MEGF11: variants seen among roughly 807,000 people sequenced by gnomAD.
The protein encoded by MEGF11 is multiple EGF like domains 11.
MEGF11 carries 126 observed loss-of-function variants against 146.6 expected under a neutral mutation model. The observed-to-expected ratio is 0.86, with a 90% CI of 0.74 to 1.00. The LOEUF (loss-of-function observed/expected upper bound fraction) is 1.00, where lower values mean the gene tolerates loss of function less well. MEGF11 is among the 50% of genes least tolerant of loss of function. The pLI is 0.00. For synonymous variants in MEGF11, 532 were observed against 583.4 expected (o/e 0.91, Z 1.27); for missense variants, 1,509 against 1,521.2 (o/e 0.99, Z 0.13).
rs1326115897 is a variant in MEGF11, at chr15:65,896,061, T to C, written c.*1873A>G. The C allele has an allele frequency of 7.9e-5, 12 of 152,308 alleles. No homozygotes were observed. Among genetic ancestry groups the C allele is most frequent in the Non-Finnish European group, 1.8e-4 (12 of 68,052 alleles). 9.4% of individuals were successfully genotyped at this position (152,308 alleles called of 1,614,324 possible). On this transcript the variant is annotated 3_prime_UTR_variant, in exon 26 of 26. Coordinates refer to ENST00000395614, the MANE Select transcript of MEGF11 (RefSeq NM_001385028.1). ...AGTTTCTCCTTGCTGATCTGACATC[T>C]TCATGCTGCTCATCCTTGCTTCACA...
At chr15:66,080,511 C>A (rs2085803048) in intron 5 of MEGF11, among the ~76,000 whole-genome samples, 1 of 152,136 alleles carries the variant, frequency 6.6e-6, no homozygotes, top group Non-Finnish European at 1.5e-5. Flanking sequence ...GGCTTCTGCT[C>A]AAAGTTCTTG....
chr15:66,091,009 A>G (rs376934631), intron 5 of MEGF11, among the ~76,000 whole-genome samples: 3 of 152,352 alleles, frequency 2.0e-5, no homozygotes, highest in Admixed American at 1.3e-4. Flanking sequence ...CTTTTGCTAC[A>G]GTTTGATTTT....
rs142755489 is a variant in MEGF11 at position 66,072,622 on chromosome 15, A to G, written c.394+21780T>C. ...CATGTATTCCTGAGTGAGCGAATGAATGAATGTAATCAGTGCTACAAGTCC... is the reference window on the plus strand; with the variant it reads ...CATGTATTCCTGAGTGAGCGAATGAGTGAATGTAATCAGTGCTACAAGTCC... On this transcript the variant is annotated intron_variant, in intron 5 of 25. Coordinates refer to ENST00000395614, the MANE Select transcript of MEGF11 (RefSeq NM_001385028.1). Among the ~76,000 whole-genome samples the G allele has an allele frequency of 3.7e-4, 56 of 152,332 alleles. 1 individual carries two copies. Among genetic ancestry groups the G allele is most frequent in the African/African-American group, 1.3e-3 (53 of 41,576 alleles).
intron 5 of MEGF11, among the ~76,000 whole-genome samples, chr15:66,047,292 C>A (rs2084248548): frequency 6.6e-6 from 1 of 152,202 alleles, no homozygotes; most frequent in Non-Finnish European, 1.5e-5. Context: ...AAGTGGGATT[C>A]AATCCCAGCT....
At chr15:65,983,100 A>C (rs2081719467) in intron 5 of MEGF11, among the ~76,000 whole-genome samples, 1 of 151,456 alleles carries the variant, frequency 6.6e-6, no homozygotes, top group East Asian at 1.9e-4. Flanking sequence ...TCTCCCTGTC[A>C]CCCTTTTCAT....
intron 5 of MEGF11, among the ~76,000 whole-genome samples, chr15:66,051,406 A>T (rs973816164): frequency 6.6e-6 from 1 of 151,978 alleles, no homozygotes; most frequent in Non-Finnish European, 1.5e-5. Context: ...CAGGAAGTAG[A>T]CTCTGAGACC....
chr15:66,226,253 CT>C lies in MEGF11; in HGVS notation c.-9+27351del, dbSNP rs1317609352. Among the ~76,000 whole-genome samples, 1,125 of 137,058 alleles carry C rather than the reference CT, an allele frequency of 8.2e-3. 16 individuals carry two copies. Among genetic ancestry groups the C allele is most frequent in the African/African-American group, 0.025 (911 of 36,884 alleles). 89.9% of individuals were successfully genotyped at this position (137,058 alleles called of 152,430 possible). A position where few individuals can be genotyped will look rare whatever the true frequency, so the allele number is the denominator to read the frequency against. On this transcript the variant is annotated intron_variant, in intron 1 of 25. Transcript: ENST00000395614. The stretch of plus-strand genomic sequence containing the variant: ...TTGTGTTCAAGTGACCCTTATTTTA[CT>C]TTTTTTTTTTTTGAGACAGTCTCAC...
chr15:66,248,988 T>A (rs1259507420), intron 1 of MEGF11, among the ~76,000 whole-genome samples: 2 of 152,256 alleles, frequency 1.3e-5, no homozygotes, highest in Non-Finnish European at 2.9e-5. Context: ...CTTTTATGGT[T>A]CTTTTCTTTT....
intron 23 of MEGF11, chr15:65,906,812 G>A (rs999008494): frequency 6.6e-6 from 1 of 152,222 alleles, no homozygotes; most frequent in Non-Finnish European, 1.5e-5. Context: ...TGCACATAAT[G>A]TAGAATTGTT....
At chr15:65,929,609 A>G (rs553658338) in intron 12 of MEGF11, 111 bp downstream of exon 12, 12 of 1,291,440 alleles carry the variant, frequency 9.3e-6, no homozygotes, top group South Asian at 1.5e-5. Context: ...CAAGTGTCCC[A>G]TCACCTAGCT....
intron 1 of MEGF11, among the ~76,000 whole-genome samples, chr15:66,176,962 G>A (rs2090403051): frequency 6.6e-6 from 1 of 152,214 alleles, no homozygotes. Flanking sequence ...GCCATGCCTA[G>A]GCCAGCCCAC....
At chr15:66,251,988 G>A (rs1425342420) in intron 1 of MEGF11, among the ~76,000 whole-genome samples, 2 of 152,186 alleles carry the variant, frequency 1.3e-5, no homozygotes, top group Non-Finnish European at 2.9e-5. Flanking sequence ...AGGGAGTGAC[G>A]GCAGAGGGAC....
chr15:66,031,052 A>G (rs1412426290), intron 5 of MEGF11, among the ~76,000 whole-genome samples: 2 of 152,188 alleles, frequency 1.3e-5, no homozygotes, highest in African/African-American at 4.8e-5. Context: ...GATAAAGCAA[A>G]TACCTTGTCC....
intron 5 of MEGF11, among the ~76,000 whole-genome samples, chr15:66,080,774 C>T (rs1373081420): frequency 6.6e-6 from 1 of 152,236 alleles, no homozygotes; most frequent in African/African-American, 2.4e-5. Flanking sequence ...ACACAGCTCC[C>T]TTCTGTCCCC....
chr15:65,912,095 T>G lies in MEGF11; in HGVS notation c.2816A>C (p.Asn939Thr). 1 of 1,232,066 alleles carries G rather than the reference T, an allele frequency of 8.1e-7. No individual in the cohort carries two copies. Among genetic ancestry groups the G allele is most frequent in the East Asian group, 3.2e-5 (1 of 31,698 alleles). The allele number at this position is 1,232,066 out of a possible 1,614,324, so 76.3% of individuals were successfully genotyped here. A position where few individuals can be genotyped will look rare whatever the true frequency, so the allele number is the denominator to read the frequency against. The change falls in exon 21 of 26, where the codon AAC becomes ACC. Residue 939 changes from asparagine (N) to threonine (T), a missense_variant. Asn to Thr is a moderately conservative substitution (Grantham distance 65, BLOSUM62 0). Transcript: ENST00000395614. ...GGGGCCCGGTACCTTGGTGGGGCTGTTCCTGTCCAGAGTGCTGGCCTGGCT... is the reference window on the plus strand; with the variant it reads ...GGGGCCCGGTACCTTGGTGGGGCTGGTCCTGTCCAGAGTGCTGGCCTGGCT... Reference protein sequence around the residue: ...ATSQASTLDRNSPTKLSNKSL... With the variant: ...ATSQASTLDRTSPTKLSNKSL...
chr15:66,147,889 A>G (rs2089432095), intron 1 of MEGF11, among the ~76,000 whole-genome samples: 1 of 152,216 alleles, frequency 6.6e-6, no homozygotes, highest in African/African-American at 2.4e-5. Context: ...TTTTAAGTGG[A>G]AAAAAGTGAA....
intron 1 of MEGF11, among the ~76,000 whole-genome samples, chr15:66,219,526 A>G (rs2091677411): frequency 6.6e-6 from 1 of 152,248 alleles, no homozygotes; most frequent in Non-Finnish European, 1.5e-5. Flanking sequence ...GCAGAATCTC[A>G]TATCAGCATA....
chr15:66,045,011 A>T (rs1053901877), intron 5 of MEGF11, among the ~76,000 whole-genome samples: 2 of 152,176 alleles, frequency 1.3e-5, no homozygotes, highest in Non-Finnish European at 2.9e-5. Context: ...TATGAAGCTC[A>T]AACAGTGCAA....
rs1273298829 is a variant in MEGF11 at position 66,095,502 on chromosome 15, T to A, written c.302-1008A>T. 2.6e-5 allele frequency among the ~76,000 whole-genome samples: 4 copies of A among 152,356 alleles called. No homozygotes were observed. In the East Asian group the frequency reaches 7.7e-4, roughly 29 times the overall value. ...CTCTCTGCCCAGTACTGGCCTGGGCTAGGGGAGCAGATGGTCCCCTTTGAT... is the reference window on the plus strand; with the variant it reads ...CTCTCTGCCCAGTACTGGCCTGGGCAAGGGGAGCAGATGGTCCCCTTTGAT... On this transcript the variant is annotated intron_variant, in intron 4 of 25. Transcript: ENST00000395614.
Sources: allele counts gnomAD v4.1 joint callset (sites outside exome capture counted in the v4.1 genomes callset), GRCh38; gene constraint gnomAD v4.1.1; transcripts MANE v1.5; gene names NCBI Gene and HGNC (gene_info 2026-07-23, HGNC 2026-07-21).